Variants in RTL1 observed in about 807,000 individuals in gnomAD.
RTL1 encodes the protein retrotransposon Gag like 1, also known as retrotransposon-like protein 1.
For synonymous variants in RTL1, 727 were observed against 748.4 expected (o/e 0.97, Z 0.47); for missense variants, 1,681 against 1,767.5 (o/e 0.95, Z 0.88).
chr14:100,896,833 C>A (rs2038863152), intron 2 of RTL1, among the ~76,000 whole-genome samples: 1 of 152,220 alleles, frequency 6.6e-6, no homozygotes, highest in South Asian at 2.1e-4. Context: ...AGCAAGCCGT[C>A]TAGGCTGCGA....
At position 100,880,732 on chromosome 14, in the gene RTL1, C is replaced by T. The variant is rs368257834; in HGVS notation, c.4057G>A (p.Glu1353Lys). The T allele has an allele frequency of 3.4e-5, 52 of 1,550,792 alleles. No individual in the cohort carries two copies. Among genetic ancestry groups the T allele is most frequent in the East Asian group, 1.5e-4 (6 of 40,908 alleles). Residue 1353 changes from glutamate (E) to lysine (K), a missense_variant, in exon 4 of 4, where the codon GAA (glutamate) becomes AAA (lysine). By Grantham distance (56) the Glu-to-Lys change is moderately conservative. Transcript: ENST00000649591. ...ARLEELPDED[E>K]DANLD ...CGTCTTCAGTCGAGGTTAGCATCTT[C>T]GTCCTCATCAGGCAGCTCTTCTAGC... is the stretch of plus-strand genomic sequence containing the variant.
At chr14:100,884,898 G>C in intron 3 of RTL1, 24 bp from the exon 4 acceptor site, 2 of 1,014,454 alleles carry the variant, frequency 2.0e-6, no homozygotes, top group Non-Finnish European at 2.9e-6. Flanking sequence ...GGGAGTGTGG[G>C]GAGTAAAGGC....
intron 2 of RTL1, among the ~76,000 whole-genome samples, chr14:100,894,486 C>G (rs28697216): frequency 0.68 from 103,442 of 152,134 alleles, 35,536 homozygotes; most frequent in East Asian, 0.83. Flanking sequence ...GGCTGCTCAT[C>G]CCTTCCGCCC....
chr14:100,894,285 G>A (rs1227096707), intron 2 of RTL1, among the ~76,000 whole-genome samples: 2 of 147,518 alleles, frequency 1.4e-5, no homozygotes, highest in Non-Finnish European at 3.0e-5. Context: ...ACTCCAACCT[G>A]GGCGACAGAG....
Position 100,880,644 on chromosome 14 carries a change from C to T in RTL1, c.*68G>A. 1 of 1,537,402 alleles carries T rather than the reference C, an allele frequency of 6.5e-7. No individual in the cohort carries two copies. Among genetic ancestry groups the T allele is most frequent in the South Asian group, 1.2e-5 (1 of 81,458 alleles). ...GAAGCAGGCTGAGGCGCGGGGAGGC[C>T]AGGGGACGTCGGGAGGTGTTGGGGT... On this transcript the variant is annotated 3_prime_UTR_variant, in exon 4 of 4. Coordinates refer to ENST00000649591, the MANE Select transcript of RTL1 (RefSeq NM_001134888.3).
chr14:100,883,327 C>T lies in RTL1; in HGVS notation c.1462G>A (p.Glu488Lys). The change falls in exon 4 of 4, where the codon GAG becomes AAG. Residue 488 changes from glutamate to lysine, a missense_variant. By Grantham distance (56) the Glu-to-Lys change is moderately conservative (BLOSUM62 1). Coordinates refer to ENST00000649591, the MANE Select transcript of RTL1 (RefSeq NM_001134888.3). The surrounding 1 kb of genome is among the most constrained non-coding windows in gnomAD (Gnocchi z 5.9). Reference protein sequence around the residue: ...PLVCIHQNHQESIEFDIVPSP... With the variant: ...PLVCIHQNHQKSIEFDIVPSP... ...GGTACGATGTCAAATTCGATGGACT[C>T]CTGGTGGTTCTGGTGGATACACACC... is the stretch of plus-strand genomic sequence containing the variant. The T allele has an allele frequency of 6.4e-7, 1 of 1,551,396 alleles. No homozygotes were observed. Among genetic ancestry groups the T allele is most frequent in the Non-Finnish European group, 8.7e-7 (1 of 1,146,848 alleles).
intron 3 of RTL1, among the ~76,000 whole-genome samples, chr14:100,892,378 G>A (rs2038793131): frequency 6.6e-6 from 1 of 152,214 alleles, no homozygotes; most frequent in African/African-American, 2.4e-5. Flanking sequence ...CTAAGGGGAT[G>A]ATTAGAAAGG....
intron 3 of RTL1, among the ~76,000 whole-genome samples, chr14:100,885,364 A>C (rs2038683655): frequency 6.6e-6 from 1 of 152,168 alleles, no homozygotes; most frequent in African/African-American, 2.4e-5. Context: ...GTGGAGCGGG[A>C]ATCTCTAGCA....
At chr14:100,898,687 C>T (rs2038901947) in intron 2 of RTL1, among the ~76,000 whole-genome samples, 1 of 152,230 alleles carries the variant, frequency 6.6e-6, no homozygotes, top group Non-Finnish European at 1.5e-5. Flanking sequence ...TCTCAGCGGG[C>T]TCCCTACTTC....
chr14:100,882,004 C>A lies in RTL1; in HGVS notation c.2785G>T (p.Ala929Ser), dbSNP rs770235576. The A allele has an allele frequency of 5.0e-6, 8 of 1,613,502 alleles. No individual in the cohort carries two copies. The South Asian group carries it at 6.6e-5, about 13-fold the overall frequency. The change falls in exon 4 of 4, where the codon GCT becomes TCT. Residue 929 changes from alanine to serine, a missense_variant. Transcript: ENST00000649591. ...QAEMKILPIR[A>S]AFMVWCRYLE... ...TAGCGGCACCACACCATGAAGGCAG[C>A]CCGTATTGGAAGAATCTTCATCTCC...
At position 100,893,415 on chromosome 14, in the gene RTL1, C is replaced by T. The variant is rs1039923001; in HGVS notation, c.-87+29G>A. Among the ~76,000 whole-genome samples the T allele has an allele frequency of 1.3e-5, 2 of 152,110 alleles. No homozygotes were observed. Among genetic ancestry groups the T allele is most frequent in the African/African-American group, 2.4e-5 (1 of 41,424 alleles). On this transcript the variant is annotated intron_variant, in intron 3 of 3. Coordinates refer to ENST00000649591, the MANE Select transcript of RTL1 (RefSeq NM_001134888.3). The surrounding 1 kb of genome is among the most constrained non-coding windows in gnomAD (Gnocchi z 4.2). ...TGCCCACCCGATCCCTGGGGGAGGT[C>T]GACATGGGACCTCTGCCCCACATCT...
intron 2 of RTL1, among the ~76,000 whole-genome samples, chr14:100,899,852 C>A (rs1437833308): frequency 6.6e-6 from 1 of 152,208 alleles, no homozygotes; most frequent in Non-Finnish European, 1.5e-5. Flanking sequence ...CATCTTACCC[C>A]GTCATGAAAT....
chr14:100,887,877 T>C (rs2038715100), intron 3 of RTL1, among the ~76,000 whole-genome samples: 1 of 152,196 alleles, frequency 6.6e-6, no homozygotes, highest in Non-Finnish European at 1.5e-5. Flanking sequence ...ATCATATAAC[T>C]TCTTTTTATA....
At chr14:100,898,525 T>C (rs1401997366) in intron 2 of RTL1, among the ~76,000 whole-genome samples, 2 of 152,230 alleles carry the variant, frequency 1.3e-5, no homozygotes, top group East Asian at 3.8e-4. Context: ...CCATCTGACT[T>C]CCTGGAGCTT....
chr14:100,887,209 A>G lies in RTL1; in HGVS notation c.-86-2335T>C, dbSNP rs561394101. Among the ~76,000 whole-genome samples the G allele has an allele frequency of 5.9e-5, 9 of 152,270 alleles. No individual in the cohort carries two copies. In the South Asian group the frequency reaches 1.9e-3, roughly 32 times the overall value. On this transcript the variant is annotated intron_variant, in intron 3 of 3. Coordinates refer to ENST00000649591, the MANE Select transcript of RTL1 (RefSeq NM_001134888.3). ...CATCAGGTCACTCCTAAAACCCTTTATTGGCTTAATTCCAAACCTCTTCGC... is the reference window on the plus strand; with the variant it reads ...CATCAGGTCACTCCTAAAACCCTTTGTTGGCTTAATTCCAAACCTCTTCGC...
Position 100,880,769 on chromosome 14 carries a change from C to G in RTL1, c.4020G>C (p.Arg1340Ser). The G allele has an allele frequency of 3.2e-6, 5 of 1,550,834 alleles. No homozygotes were observed. The South Asian group carries it at 5.9e-5, about 18-fold the overall frequency. ...LPIPAWESQP[R>S]EQARLEELPD... ...GCAGCTCTTCTAGCCTTGCCTGCTC[C>G]CTGGGCTGGCTCTCCCAGGCGGGGA... Residue 1340 changes from arginine (R) to serine (S), a missense_variant, in exon 4 of 4, where the codon AGG becomes AGC. Transcript: ENST00000649591.
intron 2 of RTL1, among the ~76,000 whole-genome samples, chr14:100,903,083 A>C (rs140426957): frequency 2.0e-3 from 304 of 152,306 alleles, no homozygotes; most frequent in African/African-American, 6.8e-3. Flanking sequence ...ATCTGCATTT[A>C]ATAGACCGAG....
At chr14:100,887,232 C>T (rs553330774) in intron 3 of RTL1, among the ~76,000 whole-genome samples, 2 of 152,268 alleles carry the variant, frequency 1.3e-5, no homozygotes, top group Admixed American at 6.5e-5. Flanking sequence ...CAAACCTCTT[C>T]GCATGATATA....
At chr14:100,885,711 T>A (rs983193734) in intron 3 of RTL1, among the ~76,000 whole-genome samples, 3 of 152,178 alleles carry the variant, frequency 2.0e-5, no homozygotes, top group African/African-American at 7.2e-5. Context: ...CTTCTCTTCC[T>A]ACAATCTCCA....
Sources: allele counts gnomAD v4.1 joint callset (sites outside exome capture counted in the v4.1 genomes callset), GRCh38; gene constraint gnomAD v4.1.1; non-coding constraint Gnocchi (gnomAD v3.1); transcripts MANE v1.5; gene names NCBI Gene and HGNC (gene_info 2026-07-23, HGNC 2026-07-21).